The following NASP variants were observed in gnomAD, a reference collection of about 807,000 sequenced individuals.
NASP encodes nuclear autoantigenic sperm protein, also known as NASP histone chaperone.
Under a neutral mutation model 89.5 loss-of-function variants are expected in NASP, and 24 were observed. The observed-to-expected ratio is 0.27, with a 90% CI of 0.19 to 0.38. NASP has a LOEUF of 0.38. Ranked by LOEUF, NASP falls within the 10% of genes least tolerant of loss-of-function variation. The pLI is 1.00. For missense variants in NASP, 848 were observed against 921.4 expected, an observed-to-expected ratio of 0.92 and a Z score of 1.03; for synonymous variants, 306 against 324.7, an observed-to-expected ratio of 0.94 and a Z score of 0.62.
In NASP at chr1:45,586,548, C is replaced by G. The variant is rs546143479; in HGVS notation, c.59+2343C>G. Among the ~76,000 whole-genome samples, 430 of 151,960 alleles carry G rather than the reference C, an allele frequency of 2.8e-3. 2 individuals are homozygous for G. Among genetic ancestry groups the G allele is most frequent in the African/African-American group, 9.4e-3 (389 of 41,458 alleles). Reference sequence around the variant, plus strand: ...AAGGGATCCACCCACGTGGGCCTCTCAAAGTGCTGAGATTACCGGCGTGAG... The same window carrying G: ...AAGGGATCCACCCACGTGGGCCTCTGAAAGTGCTGAGATTACCGGCGTGAG... On this transcript the variant is annotated intron_variant, in intron 1 of 14. Transcript: ENST00000350030.
rs978148192 is a variant in NASP, at chr1:45,617,698, T to C, written c.2286+107T>C. 1.5e-5 allele frequency: 19 copies of C among 1,307,096 alleles called. No homozygotes were observed. In the East Asian group the frequency reaches 4.2e-4, roughly 29 times the overall value. 81.0% of individuals were successfully genotyped at this position (1,307,096 alleles called of 1,614,324 possible). A position where few individuals can be genotyped will look rare whatever the true frequency, so the allele number is the denominator to read the frequency against. ...CTCCCCACCTTGAGCCTGCTAACGA[T>C]TGTTGAGTGCAGTCCTCACAGAAAA... is the stretch of plus-strand genomic sequence containing the variant. On this transcript the variant is annotated intron_variant, in intron 14 of 14. Transcript: ENST00000350030.
At chr1:45,589,832 C>G (rs1275322747) in intron 1 of NASP, among the ~76,000 whole-genome samples, 1 of 152,038 alleles carries the variant, frequency 6.6e-6, no homozygotes, top group African/African-American at 2.4e-5. Context: ...ACCCAGAAGG[C>G]AGAGGTTGCA....
intron 1 of NASP, among the ~76,000 whole-genome samples, chr1:45,585,562 G>C (rs1382384468): frequency 6.6e-6 from 1 of 152,174 alleles, no homozygotes; most frequent in Non-Finnish European, 1.5e-5. Flanking sequence ...AAGCAGTATA[G>C]ATTGGGCTTG....
At chr1:45,609,896 C>T (rs1569591001) in intron 6 of NASP, 2 of 152,128 alleles carry the variant, frequency 1.3e-5, no homozygotes, top group African/African-American at 4.8e-5. Context: ...TTCCTACACC[C>T]ACTGCTTAGA....
In NASP at chr1:45,608,411, C is replaced by T. The variant is rs1282168027; in HGVS notation, c.1426+74C>T. Reference sequence around the variant, plus strand: ...TGACTCACTAATTATGGGTAAAAGTCAGCCTTCCATTCAGGATTTTCCGTC... The same window carrying T: ...TGACTCACTAATTATGGGTAAAAGTTAGCCTTCCATTCAGGATTTTCCGTC... On this transcript the variant is annotated intron_variant, in intron 6 of 14. Coordinates refer to ENST00000350030, the MANE Select transcript of NASP (RefSeq NM_002482.4). 2.1e-6 allele frequency: 3 copies of T among 1,461,390 alleles called. No homozygotes were observed. In the East Asian group the frequency reaches 7.4e-5, roughly 36 times the overall value. The allele number at this position is 1,461,390 out of a possible 1,614,324, so 90.5% of individuals were successfully genotyped here.
chr1:45,597,298 CTTTT>C (rs71056314), intron 2 of NASP, among the ~76,000 whole-genome samples: 2 of 99,868 alleles, frequency 2.0e-5, no homozygotes, highest in Non-Finnish European at 3.6e-5. Flanking sequence ...CAGAGCAAGA[CTTTT>C]TTTTTTTTTT....
intron 1 of NASP, among the ~76,000 whole-genome samples, chr1:45,586,358 C>G (rs1276986517): frequency 1.3e-5 from 2 of 151,210 alleles, no homozygotes; most frequent in Admixed American, 1.3e-4. Flanking sequence ...CCATCTCGGC[C>G]CACAGCAGCC....
At position 45,615,087 on chromosome 1, in the gene NASP, C is replaced by T. The variant is rs1644080413; in HGVS notation, c.1741C>T (p.Arg581Cys). ...LQEQYLEAHD[R>C]LLAETHYQLG... Reference sequence around the variant, plus strand: ...GGAACAGTACCTGGAAGCCCACGACCGTCTCCTTGCAGAGACCCACTACCA... The same window carrying T: ...GGAACAGTACCTGGAAGCCCACGACTGTCTCCTTGCAGAGACCCACTACCA... Residue 581 changes from arginine (R) to cysteine (C), a missense_variant, in exon 10 of 15, where the codon CGT becomes TGT. Arg to Cys is a radical substitution (Grantham distance 180). Around this residue, in one of 5 missense-constraint regions of NASP, gnomAD observed 60 missense variants for 114.6 expected, o/e 0.52. Transcript: ENST00000350030. 1 of 1,614,120 alleles carries T rather than the reference C, an allele frequency of 6.2e-7. No homozygotes were observed. Among genetic ancestry groups the T allele is most frequent in the Non-Finnish European group, 8.5e-7 (1 of 1,180,018 alleles).
At chr1:45,588,248 C>T (rs1484863228) in intron 1 of NASP, among the ~76,000 whole-genome samples, 2 of 152,006 alleles carry the variant, frequency 1.3e-5, no homozygotes, top group African/African-American at 2.4e-5. Context: ...GGATTACAGG[C>T]GCCCGCCACC....
chr1:45,593,884 CTG>C (rs1643618965), intron 2 of NASP, among the ~76,000 whole-genome samples: 1 of 150,774 alleles, frequency 6.6e-6, no homozygotes, highest in African/African-American at 2.4e-5. Flanking sequence ...TTTTAATTAA[CTG>C]TTCGTTGTGG....
rs1291524746 is a variant in NASP, at chr1:45,604,996, A to G, written c.279A>G (p.Lys93=). 1 of 1,612,548 alleles carries G rather than the reference A, an allele frequency of 6.2e-7. No individual in the cohort carries two copies. Among genetic ancestry groups the G allele is most frequent in the Non-Finnish European group, 8.5e-7 (1 of 1,178,812 alleles). Residue 93 remains lysine, a synonymous_variant, in exon 4 of 15, where the codon AAA becomes AAG. Coordinates refer to ENST00000350030, the MANE Select transcript of NASP (RefSeq NM_002482.4). ...ECGEAFFFYG[K]SLLELARMEN... Reference sequence around the variant, plus strand: ...GAGAAGCCTTCTTTTTCTATGGGAAATCACTTCTGGAGTTGGCAAGGTATG... The same window carrying G: ...GAGAAGCCTTCTTTTTCTATGGGAAGTCACTTCTGGAGTTGGCAAGGTATG...
chr1:45,598,936 T>C (rs990650142), intron 2 of NASP, among the ~76,000 whole-genome samples: 1 of 152,322 alleles, frequency 6.6e-6, no homozygotes, highest in Admixed American at 6.5e-5. Context: ...TAACACTTAA[T>C]ACCAGTTGCC....
intron 6 of NASP, chr1:45,610,033 T>A (rs972050366): frequency 4.6e-5 from 7 of 152,176 alleles, no homozygotes; most frequent in Admixed American, 3.9e-4. Context: ...ACTTTGACTC[T>A]ACTAAAAATA....
intron 3 of NASP, among the ~76,000 whole-genome samples, chr1:45,602,941 G>A (rs1428420137): frequency 6.6e-6 from 1 of 152,148 alleles, no homozygotes; most frequent in African/African-American, 2.4e-5. Context: ...CTGACTTTCC[G>A]AGTTTTAACA....
At chr1:45,593,724 G>C (rs1412119781) in intron 2 of NASP, among the ~76,000 whole-genome samples, 1 of 151,126 alleles carries the variant, frequency 6.6e-6, no homozygotes, top group African/African-American at 2.4e-5. Flanking sequence ...ATACTGCTTG[G>C]CTGGGTGTGG....
chr1:45,606,651 T>C, intron 5 of NASP, 60 bp downstream of exon 5: 1 of 1,200,876 alleles, frequency 8.3e-7, no homozygotes, highest in African/African-American at 1.5e-5. Context: ...TTGTATACAG[T>C]GGTGGAAACG....
intron 1 of NASP, among the ~76,000 whole-genome samples, chr1:45,587,328 AG>A (rs1398246993): frequency 6.6e-6 from 1 of 151,852 alleles, no homozygotes; most frequent in African/African-American, 2.4e-5. Context: ...CTGGGACTGC[AG>A]GTGTGTACCA....
At chr1:45,600,321 A>C (rs1643808950) in intron 2 of NASP, 1 of 1,178,196 alleles carries the variant, frequency 8.5e-7, no homozygotes, top group Admixed American at 3.2e-5. Flanking sequence ...AATCAAGATA[A>C]TGAGTATTTT....
intron 2 of NASP, among the ~76,000 whole-genome samples, chr1:45,601,998 C>T (rs1277802981): frequency 6.6e-6 from 1 of 151,894 alleles, no homozygotes; most frequent in African/African-American, 2.4e-5. Context: ...GTGGTCTGCC[C>T]GCCTCGGCCT....
Sources: allele counts gnomAD v4.1 joint callset (sites outside exome capture counted in the v4.1 genomes callset), GRCh38; gene constraint gnomAD v4.1.1; regional missense constraint gnomAD v4.1.1; transcripts MANE v1.5; gene names NCBI Gene and HGNC (gene_info 2026-07-23, HGNC 2026-07-21).